KIRREL1: variants seen among roughly 807,000 people sequenced by gnomAD.
The protein encoded by KIRREL1 is kin of IRRE-like protein 1.
Under a neutral mutation model 83.3 loss-of-function variants are expected in KIRREL1, and 25 were observed. That is an observed-to-expected ratio of 0.30 (90% CI 0.22 to 0.42). The LOEUF is 0.42. Ranked by LOEUF, KIRREL1 falls within the 10% of genes least tolerant of loss-of-function variation. The pLI is 1.00. For synonymous variants in KIRREL1, 388 were observed against 410.4 expected, an observed-to-expected ratio of 0.95 and a Z score of 0.66; for missense variants, 812 against 1,032.3, an observed-to-expected ratio of 0.79 and a Z score of 2.92.
At chr1:158,012,682 T>C (rs569819365) in intron 1 of KIRREL1, among the ~76,000 whole-genome samples, 1 of 152,342 alleles carries the variant, frequency 6.6e-6, no homozygotes, top group Admixed American at 6.5e-5. Flanking sequence ...ATAAGTCCTG[T>C]TTTGCCCCTC....
Position 157,997,780 on chromosome 1 carries a change from CCTGTGTAA to C in KIRREL1, c.52+4055_52+4062del, listed in dbSNP as rs1659246226. ...AAATAATATGGATCATTTATTGAGC[CCTGTGTAA>C]CTACTTCATATGCATTATCTAATTT... On this transcript the variant is annotated intron_variant, in intron 1 of 14. Transcript: ENST00000359209. Among the ~76,000 whole-genome samples, 4 of 152,168 alleles carry C rather than the reference CCTGTGTAA, an allele frequency of 2.6e-5. No homozygotes were observed. The South Asian group carries it at 6.2e-4, about 24-fold the overall frequency.
intron 1 of KIRREL1, among the ~76,000 whole-genome samples, chr1:158,015,871 A>G (rs1659811786): frequency 6.6e-6 from 1 of 152,016 alleles, no homozygotes; most frequent in African/African-American, 2.4e-5. Context: ...AATCTCCACC[A>G]TCCCCATCCC....
chr1:158,023,699 T>G (rs1421596920), intron 1 of KIRREL1, among the ~76,000 whole-genome samples: 5 of 152,172 alleles, frequency 3.3e-5, no homozygotes, highest in Non-Finnish European at 7.4e-5. Flanking sequence ...GCTCTAACAT[T>G]CAGTGTCCTA....
intron 1 of KIRREL1, among the ~76,000 whole-genome samples, chr1:158,034,000 G>A (rs1044469418): frequency 8.0e-5 from 12 of 150,654 alleles, no homozygotes; most frequent in African/African-American, 2.9e-4. Context: ...AAGGCTGGGC[G>A]CGGTGGCTCA....
intron 1 of KIRREL1, among the ~76,000 whole-genome samples, chr1:158,017,804 A>AG (rs765924179): frequency 8.0e-4 from 121 of 151,912 alleles, no homozygotes; most frequent in Non-Finnish European, 1.4e-3. Context: ...AGGAAAAAAA[A>AG]GAAGGCAGCC....
rs1662142234 is a variant in KIRREL1 at position 158,089,893 on chromosome 1, G to A, written c.1272+75G>A. 7 of 1,288,390 alleles carry A rather than the reference G, an allele frequency of 5.4e-6. No homozygotes were observed. The Admixed American group carries it at 1.3e-4, about 23-fold the overall frequency. The allele number at this position is 1,288,390 out of a possible 1,614,324, so 79.8% of individuals were successfully genotyped here. On this transcript the variant is annotated intron_variant, in intron 10 of 14. Transcript: ENST00000359209. ...CCAGGCCCAGCCTCCTCTCACTTCT[G>A]CTGGTTTTGCTCCTTCAACTTCCCT...
intron 1 of KIRREL1, among the ~76,000 whole-genome samples, chr1:158,053,559 C>T (rs1660963930): frequency 6.6e-6 from 1 of 152,146 alleles, no homozygotes; most frequent in African/African-American, 2.4e-5. Context: ...GCCCAGAATC[C>T]CTTTACTCCC....
At chr1:158,038,486 T>C (rs1020157377) in intron 1 of KIRREL1, among the ~76,000 whole-genome samples, 1 of 820 alleles carries the variant, frequency 1.2e-3, no homozygotes, top group Non-Finnish European at 6.8e-3. Context: ...GCTCTTCCTC[T>C]TTTTTTTTTT....
intron 1 of KIRREL1, among the ~76,000 whole-genome samples, chr1:158,031,326 A>AC (rs1557995936): frequency 5.3e-5 from 8 of 151,858 alleles, no homozygotes; most frequent in East Asian, 1.9e-4. Context: ...CCCTCCACTA[A>AC]ACACACACAC....
At chr1:158,067,557 C>A (rs780077895) in intron 1 of KIRREL1, among the ~76,000 whole-genome samples, 4 of 152,152 alleles carry the variant, frequency 2.6e-5, no homozygotes. Context: ...ATGGGAAGGC[C>A]CTTGGGGGCC....
chr1:158,039,743 T>C (rs1186353889), intron 1 of KIRREL1, among the ~76,000 whole-genome samples: 1 of 152,198 alleles, frequency 6.6e-6, no homozygotes, highest in Non-Finnish European at 1.5e-5. Context: ...AGTCTGGTCA[T>C]GTATTGATTG....
chr1:158,067,022 C>T (rs1339018756), intron 1 of KIRREL1, among the ~76,000 whole-genome samples: 2 of 152,216 alleles, frequency 1.3e-5, no homozygotes, highest in East Asian at 1.9e-4. Context: ...AAAACATTCT[C>T]AGGAGCCCTT....
intron 1 of KIRREL1, among the ~76,000 whole-genome samples, chr1:158,063,533 T>C (rs930777154): frequency 6.6e-6 from 1 of 152,218 alleles, no homozygotes; most frequent in Non-Finnish European, 1.5e-5. Flanking sequence ...TTAACTAATT[T>C]GTCTCCCTTG....
chr1:158,017,683 C>A (rs1346499752), intron 1 of KIRREL1, among the ~76,000 whole-genome samples: 1 of 151,706 alleles, frequency 6.6e-6, no homozygotes, highest in Non-Finnish European at 1.5e-5. Context: ...CAGAGTGAGA[C>A]TCTGTCTCAA....
rs974271794 is a variant in KIRREL1 at position 158,094,566 on chromosome 1, G to A, written c.1798-78G>A. On this transcript the variant is annotated intron_variant, in intron 14 of 14. Transcript: ENST00000359209. The surrounding 1 kb of genome is among the most constrained non-coding windows in gnomAD (Gnocchi z 4.6). ...GACATAGGGAGAGCTGGAGGAAGAGGCCCAGAAAGCCATGGTGAGACTTGA... is the reference window on the plus strand; with the variant it reads ...GACATAGGGAGAGCTGGAGGAAGAGACCCAGAAAGCCATGGTGAGACTTGA... 38 of 1,313,054 alleles carry A rather than the reference G, an allele frequency of 2.9e-5. No individual in the cohort carries two copies. Among genetic ancestry groups the A allele is most frequent in the Non-Finnish European group, 3.8e-5 (35 of 926,868 alleles). 81.3% of individuals were successfully genotyped at this position (1,313,054 alleles called of 1,614,324 possible).
intron 1 of KIRREL1, among the ~76,000 whole-genome samples, chr1:158,057,743 A>G (rs1351807932): frequency 6.6e-6 from 1 of 152,230 alleles, no homozygotes; most frequent in Non-Finnish European, 1.5e-5. Flanking sequence ...CCTGAAAAGT[A>G]TATGGAAATT....
chr1:158,012,016 C>A (rs1659703768), intron 1 of KIRREL1, among the ~76,000 whole-genome samples: 1 of 152,140 alleles, frequency 6.6e-6, no homozygotes, highest in Non-Finnish European at 1.5e-5. Flanking sequence ...CCCCCTCCCA[C>A]TTTCCCTCAA....
chr1:158,074,355 C>T (rs766126684), intron 1 of KIRREL1, among the ~76,000 whole-genome samples: 25 of 152,162 alleles, frequency 1.6e-4, no homozygotes, highest in Non-Finnish European at 2.6e-4. Context: ...GTTATCAGTC[C>T]ACTCTAGGCC....
chr1:158,090,152 T>C (rs949906377), intron 10 of KIRREL1, among the ~76,000 whole-genome samples: 2 of 152,022 alleles, frequency 1.3e-5, no homozygotes, highest in Non-Finnish European at 2.9e-5. Context: ...TTCATGTTAG[T>C]TCCCCACTCT....
Sources: gnomAD v4.1 joint callset for allele counts (sites outside exome capture counted in the v4.1 genomes callset) on GRCh38, gnomAD v4.1.1 for gene constraint, Gnocchi (gnomAD v3.1) non-coding constraint, MANE v1.5 for transcripts, NCBI Gene and HGNC (gene_info 2026-07-23, HGNC 2026-07-21) for gene names.